Variants in KIAA0825 observed in about 807,000 individuals in gnomAD.
The protein encoded by KIAA0825 is uncharacterized protein KIAA0825.
Under a neutral mutation model 147.6 loss-of-function variants are expected in KIAA0825, and 119 were observed. The observed-to-expected ratio is 0.81, with a 90% CI of 0.69 to 0.94. KIAA0825 has a LOEUF of 0.94. KIAA0825 is among the 40% of genes least tolerant of loss of function. KIAA0825 has a pLI of 0.00. For synonymous variants in KIAA0825, 470 were observed against 518.1 expected, an observed-to-expected ratio of 0.91 and a Z score of 1.26; for missense variants, 1,381 against 1,472.7, an observed-to-expected ratio of 0.94 and a Z score of 1.02.
intron 20 of KIAA0825, among the ~76,000 whole-genome samples, chr5:94,337,218 A>G (rs1000089672): frequency 6.6e-6 from 1 of 152,214 alleles, no homozygotes; most frequent in Admixed American, 6.5e-5. Flanking sequence ...GTATATTCAC[A>G]TAGCTAAGTT....
chr5:94,346,937 T>A (rs889360435), intron 20 of KIAA0825, among the ~76,000 whole-genome samples: 2 of 152,238 alleles, frequency 1.3e-5, no homozygotes, highest in Admixed American at 6.5e-5. Flanking sequence ...CCTGTATGAC[T>A]CTGCCTGGAA....
chr5:94,305,664 A>C (rs1371761578), intron 20 of KIAA0825, among the ~76,000 whole-genome samples: 1 of 152,022 alleles, frequency 6.6e-6, no homozygotes, highest in Non-Finnish European at 1.5e-5. Flanking sequence ...ATATGCAAGG[A>C]GGCAGTTTTT....
intron 15 of KIAA0825, among the ~76,000 whole-genome samples, chr5:94,411,386 T>G (rs150742782): frequency 6.6e-6 from 1 of 152,152 alleles, no homozygotes; most frequent in African/African-American, 2.4e-5. Context: ...ATGCATCTAT[T>G]TGATCACTTG....
At chr5:94,605,167 G>T (rs1203475920) in intron 1 of KIAA0825, among the ~76,000 whole-genome samples, 1 of 152,092 alleles carries the variant, frequency 6.6e-6, no homozygotes, top group African/African-American at 2.4e-5. Context: ...ACATCTAGAA[G>T]AAATGGATAC....
At chr5:94,557,927 G>A (rs888949830) in intron 2 of KIAA0825, among the ~76,000 whole-genome samples, 1 of 152,168 alleles carries the variant, frequency 6.6e-6, no homozygotes, top group Admixed American at 6.5e-5. Flanking sequence ...TCACAGACCC[G>A]CTGCTAACTT....
intron 20 of KIAA0825, among the ~76,000 whole-genome samples, chr5:94,241,449 T>C (rs544800888): frequency 6.6e-6 from 1 of 152,328 alleles, no homozygotes; most frequent in South Asian, 2.1e-4. Context: ...AGTTCCCTCT[T>C]GTTCTTATTT....
chr5:94,207,608 A>C (rs1772323348), intron 20 of KIAA0825, among the ~76,000 whole-genome samples: 1 of 152,226 alleles, frequency 6.6e-6, no homozygotes, highest in Non-Finnish European at 1.5e-5. Context: ...CATTTCACGC[A>C]TATGTTTCCG....
At chr5:94,600,968 C>T in intron 1 of KIAA0825, among the ~76,000 whole-genome samples, 1 of 152,294 alleles carries the variant, frequency 6.6e-6, no homozygotes, top group Admixed American at 6.5e-5. Flanking sequence ...GCCATCTTTG[C>T]TGTTTCAGCA....
intron 1 of KIAA0825, among the ~76,000 whole-genome samples, chr5:94,586,462 C>CACAT (rs1470196432): frequency 2.0e-5 from 3 of 152,146 alleles, no homozygotes; most frequent in Non-Finnish European, 4.4e-5. Flanking sequence ...AATTCCTGGA[C>CACAT]ACATACACCT....
chr5:94,418,990 C>A (rs916108276), intron 14 of KIAA0825, among the ~76,000 whole-genome samples: 1 of 151,994 alleles, frequency 6.6e-6, no homozygotes, highest in Non-Finnish European at 1.5e-5. Flanking sequence ...TGATTCTCCA[C>A]CAACAGCCTC....
At chr5:94,165,823 T>G (rs1562291470) in intron 20 of KIAA0825, among the ~76,000 whole-genome samples, 1 of 152,052 alleles carries the variant, frequency 6.6e-6, no homozygotes, top group Non-Finnish European at 1.5e-5. Flanking sequence ...CTCATGGACA[T>G]AGAGAGTAGA....
chr5:94,468,352 C>T (rs527912522), intron 10 of KIAA0825, among the ~76,000 whole-genome samples: 1 of 152,340 alleles, frequency 6.6e-6, no homozygotes, highest in African/African-American at 2.4e-5. Flanking sequence ...TAGTAGTACA[C>T]TGACATACTG....
At chr5:94,543,818 C>T (rs757606356) in intron 2 of KIAA0825, among the ~76,000 whole-genome samples, 6 of 152,154 alleles carry the variant, frequency 3.9e-5, no homozygotes, top group Non-Finnish European at 5.9e-5. Context: ...AGAGTGACCC[C>T]GGTCATCCTC....
chr5:94,448,142 T>G (rs781368923), intron 13 of KIAA0825, among the ~76,000 whole-genome samples: 3 of 151,308 alleles, frequency 2.0e-5, no homozygotes, highest in Non-Finnish European at 4.4e-5. Context: ...TTAATACATT[T>G]TTCATATGTC....
intron 20 of KIAA0825, among the ~76,000 whole-genome samples, chr5:94,219,487 CA>C (rs1179355493): frequency 6.6e-6 from 1 of 152,064 alleles, no homozygotes; most frequent in Admixed American, 6.6e-5. Flanking sequence ...TCCCATGTCA[CA>C]ATATTTAAAT....
chr5:94,520,649 A>G lies in KIAA0825; in HGVS notation c.569T>C (p.Leu190Ser), dbSNP rs764566593. 3 of 1,613,390 alleles carry G rather than the reference A, an allele frequency of 1.9e-6. No homozygotes were observed. Among genetic ancestry groups the G allele is most frequent in the Non-Finnish European group, 2.5e-6 (3 of 1,179,508 alleles). Residue 190 changes from leucine to serine, a missense_variant, in exon 5 of 21, where the codon TTA becomes TCA. Physicochemically the swap from Leu to Ser is moderately radical, Grantham distance 145. Transcript: ENST00000682413. ...TTGTTGTAAGCACTGCTTTTTCAAT[A>G]AAATTTTTTGCTGTGAATTGTTTAT... ...NEINNSQQKI[L>S]LKKQCLQQLL...
In KIAA0825 at chr5:94,167,366, T is replaced by A. The variant is rs138064519; in HGVS notation, c.3711-13242A>T. On this transcript the variant is annotated intron_variant, in intron 20 of 20. Coordinates refer to ENST00000682413, the MANE Select transcript of KIAA0825 (RefSeq NM_001145678.3). ...TTTAAAATTTCTGTATAGGTTGTAA[T>A]TTTCAACACTTTAATAGTTTTGTTT... Among the ~76,000 whole-genome samples the A allele has an allele frequency of 1.1e-3, 163 of 152,300 alleles. 2 individuals are homozygous for A. Among genetic ancestry groups the A allele is most frequent in the African/African-American group, 3.8e-3 (159 of 41,568 alleles).
rs1477635009 is a variant in KIAA0825, at chr5:94,297,672, T to G, written c.3710+86696A>C. ...GTGCAGTGGCGCAATCCTGGCTCAC[T>G]TCAACCTCCACCTCCTGGGCTCAAG... On this transcript the variant is annotated intron_variant, in intron 20 of 20. Coordinates refer to ENST00000682413, the MANE Select transcript of KIAA0825 (RefSeq NM_001145678.3). 2.0e-5 allele frequency among the ~76,000 whole-genome samples: 3 copies of G among 151,980 alleles called. No homozygotes were observed. In the East Asian group the frequency reaches 5.9e-4, roughly 30 times the overall value.
intron 2 of KIAA0825, among the ~76,000 whole-genome samples, chr5:94,554,760 A>C (rs1262177362): frequency 8.6e-6 from 1 of 115,748 alleles, no homozygotes; most frequent in Non-Finnish European, 1.8e-5. Context: ...ATATATATAT[A>C]TGAATTCATT....
Sources: gnomAD v4.1 joint callset for allele counts (sites outside exome capture counted in the v4.1 genomes callset) on GRCh38, gnomAD v4.1.1 for gene constraint, MANE v1.5 for transcripts, NCBI Gene and HGNC (gene_info 2026-07-23, HGNC 2026-07-21) for gene names.